The following GALNTL6 variants were observed in gnomAD, a reference collection of about 807,000 sequenced individuals.
GALNTL6 encodes polypeptide N-acetylgalactosaminyltransferase-like 6.
Under a neutral mutation model 73.7 loss-of-function variants are expected in GALNTL6, and 46 were observed. The ratio of observed to expected loss-of-function variants is 0.62; its 90% CI spans 0.49 to 0.80. The LOEUF (loss-of-function observed/expected upper bound fraction) is 0.80. Among genes scored for constraint, GALNTL6 ranks in the 30% least tolerant of loss-of-function variants. The probability of loss-of-function intolerance (pLI) is 0.00; values close to 1 mark genes in which losing one functional copy is unlikely to be tolerated. For missense variants in GALNTL6, 604 were observed against 755.0 expected, an observed-to-expected ratio of 0.80 and a Z score of 2.34; for synonymous variants, 259 against 263.7, an observed-to-expected ratio of 0.98 and a Z score of 0.17.
At chr4:173,034,339 C>T (rs1753595485) in intron 12 of GALNTL6, among the ~76,000 whole-genome samples, 1 of 152,192 alleles carries the variant, frequency 6.6e-6, no homozygotes, top group African/African-American at 2.4e-5. Context: ...TCCCAATGAC[C>T]ATTCCGAGAT....
chr4:172,080,563 A>C (rs1370680454), intron 2 of GALNTL6, among the ~76,000 whole-genome samples: 1 of 152,150 alleles, frequency 6.6e-6, no homozygotes, highest in Non-Finnish European at 1.5e-5. Context: ...TAATTCCCAC[A>C]AATAAAGTGC....
intron 5 of GALNTL6, among the ~76,000 whole-genome samples, chr4:172,641,404 C>T (rs1171714830): frequency 2.6e-5 from 4 of 152,072 alleles, no homozygotes; most frequent in African/African-American, 9.7e-5. Context: ...AACGCTCTGA[C>T]CTACTCCTGT....
At chr4:172,508,107 A>G (rs1734404490) in intron 5 of GALNTL6, among the ~76,000 whole-genome samples, 1 of 55,120 alleles carries the variant, frequency 1.8e-5, no homozygotes, top group African/African-American at 4.5e-5. Context: ...AGGGTGCATC[A>G]TACTAAAGAT....
At chr4:172,742,758 T>G (rs1012328107) in intron 5 of GALNTL6, among the ~76,000 whole-genome samples, 2 of 152,090 alleles carry the variant, frequency 1.3e-5, no homozygotes, top group African/African-American at 4.8e-5. Flanking sequence ...CTGACAGGAT[T>G]TCCCTTCACC....
chr4:171,954,350 A>T (rs963907480), intron 2 of GALNTL6, among the ~76,000 whole-genome samples: 2 of 152,202 alleles, frequency 1.3e-5, no homozygotes, highest in Non-Finnish European at 2.9e-5. Context: ...AAAAACACAT[A>T]ATCATGATGC....
chr4:172,564,079 T>TATA (rs1387825427), intron 5 of GALNTL6, among the ~76,000 whole-genome samples: 3 of 152,218 alleles, frequency 2.0e-5, no homozygotes, highest in Non-Finnish European at 4.4e-5. Flanking sequence ...TATTTTCTAT[T>TATA]ATTAGATCAC....
chr4:172,915,502 A>G (rs1747454401), intron 8 of GALNTL6, among the ~76,000 whole-genome samples: 1 of 152,178 alleles, frequency 6.6e-6, no homozygotes, highest in Non-Finnish European at 1.5e-5. Context: ...GATGGCTAGC[A>G]AGACTAATAA....
At chr4:172,592,436 A>T (rs1281120435) in intron 5 of GALNTL6, among the ~76,000 whole-genome samples, 1 of 152,136 alleles carries the variant, frequency 6.6e-6, no homozygotes, top group Admixed American at 6.6e-5. Context: ...CACACTGGGG[A>T]TCAAATTTCA....
chr4:172,225,996 C>T (rs1456092907), intron 2 of GALNTL6, among the ~76,000 whole-genome samples: 1 of 152,098 alleles, frequency 6.6e-6, no homozygotes, highest in Non-Finnish European at 1.5e-5. Context: ...TGCTAGAGCA[C>T]TAATAGTGGC....
intron 10 of GALNTL6, among the ~76,000 whole-genome samples, chr4:172,954,860 G>A (rs1336471749): frequency 6.6e-6 from 1 of 152,056 alleles, no homozygotes; most frequent in East Asian, 1.9e-4. Flanking sequence ...TTAGGTTTAG[G>A]AAAGAAGAAA....
chr4:172,777,023 G>A (rs940188058), intron 5 of GALNTL6, among the ~76,000 whole-genome samples: 5 of 152,088 alleles, frequency 3.3e-5, no homozygotes, highest in Admixed American at 1.3e-4. Flanking sequence ...TAATCTATTC[G>A]TTGCCTCAAA....
At chr4:172,304,980 A>G (rs751083326) in intron 3 of GALNTL6, among the ~76,000 whole-genome samples, 3 of 152,184 alleles carry the variant, frequency 2.0e-5, no homozygotes, top group Non-Finnish European at 4.4e-5. Context: ...CTTATTGTTT[A>G]GTTCATTCAA....
chr4:172,939,005 T>G (rs1748773401), intron 9 of GALNTL6, among the ~76,000 whole-genome samples: 1 of 152,220 alleles, frequency 6.6e-6, no homozygotes, highest in Non-Finnish European at 1.5e-5. Context: ...GGTCACAGTT[T>G]AAAATATAAT....
chr4:172,802,696 G>A (rs1348870069), intron 5 of GALNTL6, among the ~76,000 whole-genome samples: 4 of 152,138 alleles, frequency 2.6e-5, no homozygotes, highest in African/African-American at 7.2e-5. Flanking sequence ...CCAGCTACTT[G>A]GGAGGCTAAG....
chr4:172,963,958 T>C (rs1368235132), intron 10 of GALNTL6, among the ~76,000 whole-genome samples: 1 of 152,192 alleles, frequency 6.6e-6, no homozygotes, highest in African/African-American at 2.4e-5. Flanking sequence ...GATATAGCAG[T>C]ACTCTCCAGA....
At chr4:172,075,002 T>C (rs981774497) in intron 2 of GALNTL6, among the ~76,000 whole-genome samples, 3 of 152,240 alleles carry the variant, frequency 2.0e-5, no homozygotes, top group Non-Finnish European at 4.4e-5. Flanking sequence ...GTTCATATTA[T>C]AGACAATCCT....
At chr4:172,531,473 C>T (rs150365324) in intron 5 of GALNTL6, among the ~76,000 whole-genome samples, 4 of 152,316 alleles carry the variant, frequency 2.6e-5, no homozygotes, top group East Asian at 3.9e-4. Context: ...CCCCTGACCG[C>T]GTTTCCTTCC....
intron 9 of GALNTL6, among the ~76,000 whole-genome samples, chr4:172,939,430 T>C (rs1748803550): frequency 6.6e-6 from 1 of 152,242 alleles, no homozygotes; most frequent in African/African-American, 2.4e-5. Flanking sequence ...AAGTCAATCA[T>C]AAATTAATGT....
chr4:172,458,009 TAACA>T (rs890326034), intron 5 of GALNTL6, among the ~76,000 whole-genome samples: 3 of 151,906 alleles, frequency 2.0e-5, no homozygotes, highest in African/African-American at 4.8e-5. Context: ...ATAACAATCA[TAACA>T]AACAGTCTCT....
Sources: allele counts gnomAD v4.1 joint callset (sites outside exome capture counted in the v4.1 genomes callset), GRCh38; gene constraint gnomAD v4.1.1; transcripts MANE v1.5; gene names NCBI Gene and HGNC (gene_info 2026-07-23, HGNC 2026-07-21).